Variants in PDE8B observed in about 807,000 individuals in gnomAD.
The protein encoded by PDE8B is phosphodiesterase 8B, also known as high affinity cAMP-specific and IBMX-insensitive 3',5'-cyclic phosphodiesterase 8B.
A neutral mutation model predicts 101.3 loss-of-function variants in PDE8B; 26 were observed. The ratio of observed to expected loss-of-function variants is 0.26; its 90% CI spans 0.19 to 0.36. The LOEUF (loss-of-function observed/expected upper bound fraction) is 0.36, where lower values mean the gene tolerates loss of function less well. Among genes scored for constraint, PDE8B ranks in the 10% least tolerant of loss-of-function variants. The pLI is 1.00. For synonymous variants in PDE8B, 424 were observed against 429.3 expected (o/e 0.99, Z 0.15); for missense variants, 810 against 1,163.1 (o/e 0.70, Z 4.42).
chr5:77,178,937 A>G, the PDE8B span, among the ~76,000 whole-genome samples: 1 of 152,238 alleles, frequency 6.6e-6, no homozygotes, highest in Non-Finnish European at 1.5e-5. Flanking sequence ...AGCAAGAGAA[A>G]GCCTCTACTA....
chr5:77,159,919 T>A, the PDE8B span, among the ~76,000 whole-genome samples: 1 of 152,208 alleles, frequency 6.6e-6, no homozygotes. Context: ...TTACCCTGAT[T>A]AAGATTAAAT....
chr5:77,113,721 C>A, the PDE8B span: 1 of 152,190 alleles, frequency 6.6e-6, no homozygotes, highest in African/African-American at 2.4e-5. Context: ...TTAGAGTGAA[C>A]AAGCAACCTA....
intron 11 of PDE8B, among the ~76,000 whole-genome samples, chr5:77,404,375 G>A (rs1174546149): frequency 3.9e-5 from 6 of 152,128 alleles, no homozygotes; most frequent in African/African-American, 1.4e-4. Flanking sequence ...CCACCCGCCT[G>A]CCTCAGCCTC....
chr5:77,182,464 C>T, the PDE8B span, among the ~76,000 whole-genome samples: 1 of 152,096 alleles, frequency 6.6e-6, no homozygotes, highest in Non-Finnish European at 1.5e-5. Context: ...TCCTGGAAGA[C>T]ATCCTTTCTG....
chr5:77,250,674 G>A (rs1040362562), intron 1 of PDE8B, among the ~76,000 whole-genome samples: 1 of 152,184 alleles, frequency 6.6e-6, no homozygotes, highest in Non-Finnish European at 1.5e-5. Flanking sequence ...GGTGAGGTGT[G>A]GGGAGGTCTC....
chr5:77,220,144 C>G (rs1275576032), intron 1 of PDE8B, among the ~76,000 whole-genome samples: 1 of 152,204 alleles, frequency 6.6e-6, no homozygotes, highest in Non-Finnish European at 1.5e-5. Context: ...GTCCTCCTGT[C>G]CTTGTGGTTG....
intron 18 of PDE8B, among the ~76,000 whole-genome samples, chr5:77,419,454 T>A (rs1286602996): frequency 6.6e-6 from 1 of 152,222 alleles, no homozygotes; most frequent in African/African-American, 2.4e-5. Flanking sequence ...GCCACCTTAC[T>A]GTTTTGATGT....
At chr5:77,403,045 CTG>C (rs1301368215) in intron 11 of PDE8B, among the ~76,000 whole-genome samples, 3 of 152,120 alleles carry the variant, frequency 2.0e-5, no homozygotes. Context: ...GAGGAGTAAT[CTG>C]TGTTATGGTT....
the PDE8B span, among the ~76,000 whole-genome samples, chr5:77,191,751 T>C: frequency 6.6e-6 from 1 of 152,182 alleles, no homozygotes; most frequent in African/African-American, 2.4e-5. Context: ...GTGGGGATTG[T>C]TTCGGGTTGA....
At chr5:77,289,559 C>T (rs1048132009) in intron 1 of PDE8B, among the ~76,000 whole-genome samples, 3 of 152,216 alleles carry the variant, frequency 2.0e-5, no homozygotes, top group Admixed American at 2.0e-4. Context: ...ACTGGTCTGG[C>T]AGCCTGGAGA....
chr5:77,240,435 G>C (rs376438265), intron 1 of PDE8B, among the ~76,000 whole-genome samples: 1 of 151,768 alleles, frequency 6.6e-6, no homozygotes, highest in Non-Finnish European at 1.5e-5. Context: ...TTACAGGCGT[G>C]AGCCACCGCG....
At chr5:77,293,824 G>A (rs1197188044) in intron 1 of PDE8B, among the ~76,000 whole-genome samples, 4 of 152,194 alleles carry the variant, frequency 2.6e-5, no homozygotes, top group African/African-American at 9.6e-5. Flanking sequence ...ATTCCCTGGT[G>A]ACAAATGATG....
intron 17 of PDE8B, 80 bp from the exon 18 acceptor site, chr5:77,418,149 G>A (rs577530489): frequency 8.5e-6 from 8 of 945,728 alleles, no homozygotes; most frequent in Middle Eastern, 2.4e-4. Flanking sequence ...CCCCTGACCC[G>A]ACCCTCCGCA....
At chr5:77,200,028 T>C in the PDE8B span, among the ~76,000 whole-genome samples, 5 of 141,314 alleles carry the variant, frequency 3.5e-5, no homozygotes, top group Non-Finnish European at 7.7e-5. Flanking sequence ...CTCTATATAG[T>C]AAAAAAAAAA....
the PDE8B span, among the ~76,000 whole-genome samples, chr5:77,126,357 G>A: frequency 2.0e-5 from 3 of 152,164 alleles, no homozygotes; most frequent in Admixed American, 2.0e-4. Flanking sequence ...CGTCATTTGA[G>A]GAGGATGACA....
At chr5:77,399,519 C>T (rs1050658094) in intron 10 of PDE8B, among the ~76,000 whole-genome samples, 3 of 152,174 alleles carry the variant, frequency 2.0e-5, no homozygotes, top group African/African-American at 7.2e-5. Flanking sequence ...GCAGTGAAGC[C>T]GCATGATTAT....
rs756966280 is a variant in PDE8B at position 77,389,824 on chromosome 5, C to T, written c.1168-10424C>T. Among the ~76,000 whole-genome samples, 70 of 152,208 alleles carry T rather than the reference C, an allele frequency of 4.6e-4. 1 individual carries two copies. The Middle Eastern group carries it at 0.024, about 52-fold the overall frequency. ...TGAATATTCCTTTGCATCAGTCTAT[C>T]GCAGTGTGGAGAATCTACTTCTGCT... On this transcript the variant is annotated intron_variant, in intron 10 of 21. Coordinates refer to ENST00000264917, the MANE Select transcript of PDE8B (RefSeq NM_003719.5).
intron 17 of PDE8B, among the ~76,000 whole-genome samples, chr5:77,414,551 G>T (rs1162844683): frequency 6.6e-6 from 1 of 151,574 alleles, no homozygotes; most frequent in Non-Finnish European, 1.5e-5. Flanking sequence ...CTCCTGAGTA[G>T]CTGGGACTAC....
intron 19 of PDE8B, among the ~76,000 whole-genome samples, chr5:77,421,177 C>T (rs1374025143): frequency 6.6e-6 from 1 of 152,156 alleles, no homozygotes; most frequent in Non-Finnish European, 1.5e-5. Context: ...CTGCTCCTGA[C>T]TACTTCCTAC....
Sources: allele counts gnomAD v4.1 joint callset (sites outside exome capture counted in the v4.1 genomes callset), GRCh38; gene constraint gnomAD v4.1.1; transcripts MANE v1.5; gene names NCBI Gene and HGNC (gene_info 2026-07-23, HGNC 2026-07-21).